ZNF423: variants seen among roughly 807,000 people sequenced by gnomAD.
ZNF423 encodes the protein zinc finger protein 423, also known as Ebf-associated zinc finger protein.
A neutral mutation model predicts 95.8 loss-of-function variants in ZNF423; 12 were observed. The observed-to-expected ratio is 0.13, with a 90% CI of 0.08 to 0.20. ZNF423 has a LOEUF of 0.20. ZNF423 is among the 10% of genes least tolerant of loss of function. The pLI is 1.00. For missense variants in ZNF423, 1,316 were observed against 1,737.1 expected, an observed-to-expected ratio of 0.76 and a Z score of 4.31; for synonymous variants, 749 against 711.9, an observed-to-expected ratio of 1.05 and a Z score of -0.83.
rs1972037123 is a variant in ZNF423, at chr16:49,620,559, A to G, written c.3601+5611T>C. Among the ~76,000 whole-genome samples the G allele has an allele frequency of 4.6e-5, 7 of 152,076 alleles. No homozygotes were observed. In the South Asian group the frequency reaches 1.5e-3, roughly 32 times the overall value. On this transcript the variant is annotated intron_variant, in intron 5 of 7. Transcript: ENST00000563137. ...CCTGGCTCTGGCCTGGCTGCCCGCC[A>G]GAGAGTCCACAGCCACTTTCCAAGG...
At chr16:49,763,218 A>G (rs1263605415) in intron 2 of ZNF423, among the ~76,000 whole-genome samples, 1 of 152,118 alleles carries the variant, frequency 6.6e-6, no homozygotes, top group Non-Finnish European at 1.5e-5. Context: ...ACTGGGTGAC[A>G]GCAGGTATTT....
chr16:49,824,006 G>C (rs2034977549), intron 1 of ZNF423, among the ~76,000 whole-genome samples: 3 of 152,138 alleles, frequency 2.0e-5, no homozygotes, highest in Admixed American at 2.0e-4. Context: ...CTTGAGCCCA[G>C]AAAGTGGAGA....
At chr16:49,845,197 T>C (rs1308776636) in intron 1 of ZNF423, among the ~76,000 whole-genome samples, 1 of 151,906 alleles carries the variant, frequency 6.6e-6, no homozygotes, top group Non-Finnish European at 1.5e-5. Flanking sequence ...TGGAGTGCAG[T>C]GGGTTCCAGC....
At position 49,491,219 on chromosome 16, in the gene ZNF423, TC is replaced by T; in HGVS notation, c.*55del. The T allele has an allele frequency of 6.2e-7, 1 of 1,610,756 alleles. No individual in the cohort carries two copies. The highest frequency in any genetic ancestry group is 8.5e-7 in the Non-Finnish European group (1 of 1,177,148). On this transcript the variant is annotated 3_prime_UTR_variant, in exon 8 of 8. Coordinates refer to ENST00000563137, the MANE Select transcript of ZNF423 (RefSeq NM_001379286.1). The stretch of plus-strand genomic sequence containing the variant: ...ATTGGATGTAATGTTCAAATGGCCC[TC>T]CCCACGGCGTCTCCGGCAAGCCTTC...
chr16:49,715,322 G>T (rs1360450039), intron 3 of ZNF423, among the ~76,000 whole-genome samples: 3 of 152,204 alleles, frequency 2.0e-5, no homozygotes, highest in Non-Finnish European at 4.4e-5. Flanking sequence ...GCGCTGAGGA[G>T]GTGACCTTGG....
At chr16:49,503,823 G>A (rs1167888809) in intron 7 of ZNF423, among the ~76,000 whole-genome samples, 1 of 152,192 alleles carries the variant, frequency 6.6e-6, no homozygotes, top group African/African-American at 2.4e-5. Flanking sequence ...TGAAATGACA[G>A]CCTGCAAGCT....
At chr16:49,741,210 AAAG>A (rs928313236) in intron 2 of ZNF423, among the ~76,000 whole-genome samples, 5 of 150,756 alleles carry the variant, frequency 3.3e-5, no homozygotes, top group African/African-American at 1.2e-4. Flanking sequence ...TTTTTTTTTT[AAAG>A]AAGAAAATCC....
At chr16:49,709,183 T>TATATATATATATATATATATATATATA (rs58833331) in intron 3 of ZNF423, among the ~76,000 whole-genome samples, 3 of 145,318 alleles carry the variant, frequency 2.1e-5, no homozygotes, top group Admixed American at 6.9e-5. Context: ...TATATATATA[T>TATATATATATATATATATATATATATA]GAAAACGGAG....
At chr16:49,806,577 G>A (rs999125446) in intron 1 of ZNF423, among the ~76,000 whole-genome samples, 3 of 152,156 alleles carry the variant, frequency 2.0e-5, no homozygotes, top group Non-Finnish European at 2.9e-5. Flanking sequence ...TTTTAAACAC[G>A]AGCAGAGGAA....
intron 7 of ZNF423, among the ~76,000 whole-genome samples, chr16:49,506,520 G>C (rs1219780607): frequency 1.6e-5 from 2 of 122,104 alleles, no homozygotes; most frequent in Non-Finnish European, 3.4e-5. Context: ...GTGATGGACA[G>C]ATGTATGGAT....
At chr16:49,629,734 C>T (rs1972435358) in intron 4 of ZNF423, among the ~76,000 whole-genome samples, 1 of 152,228 alleles carries the variant, frequency 6.6e-6, no homozygotes, top group Non-Finnish European at 1.5e-5. Context: ...AAGTGCTTAA[C>T]AAGCATTTGC....
chr16:49,530,605 C>G (rs8062146), intron 5 of ZNF423, among the ~76,000 whole-genome samples: 96,052 of 152,014 alleles, frequency 0.63, 31,836 homozygotes, highest in African/African-American at 0.85. Flanking sequence ...ACAGAGTTTG[C>G]GGTAGGGTGG....
chr16:49,517,264 A>C lies in ZNF423; in HGVS notation c.3849+6360T>G, dbSNP rs77842934. Among the ~76,000 whole-genome samples, 805 of 152,330 alleles carry C rather than the reference A, an allele frequency of 5.3e-3. 14 individuals carry two copies. Among genetic ancestry groups the C allele is most frequent in the African/African-American group, 0.019 (781 of 41,578 alleles). On this transcript the variant is annotated intron_variant, in intron 7 of 7. Transcript: ENST00000563137. ...CCCTTCTAGCTTGCGCCAACTGCAGAGAGTGATGCCTGAGCCATGACTATC... is the reference window on the plus strand; with the variant it reads ...CCCTTCTAGCTTGCGCCAACTGCAGCGAGTGATGCCTGAGCCATGACTATC...
chr16:49,648,925 T>C (rs558166629), intron 3 of ZNF423, among the ~76,000 whole-genome samples: 144 of 152,056 alleles, frequency 9.5e-4, no homozygotes, highest in Non-Finnish European at 1.6e-3. Flanking sequence ...AGAGAAGGGA[T>C]TATCCAGGAA....
At chr16:49,689,525 A>C (rs1379687611) in intron 3 of ZNF423, among the ~76,000 whole-genome samples, 1 of 152,180 alleles carries the variant, frequency 6.6e-6, no homozygotes, top group Admixed American at 6.5e-5. Flanking sequence ...TTTCAGAAAC[A>C]TTAAAAGCGT....
chr16:49,534,115 G>C (rs1597065177), intron 5 of ZNF423, among the ~76,000 whole-genome samples: 1 of 152,074 alleles, frequency 6.6e-6, no homozygotes, highest in Non-Finnish European at 1.5e-5. Context: ...GCCAGCCTGG[G>C]TGATGGAGGG....
At chr16:49,588,423 T>C (rs1448942686) in intron 5 of ZNF423, among the ~76,000 whole-genome samples, 1 of 152,212 alleles carries the variant, frequency 6.6e-6, no homozygotes, top group African/African-American at 2.4e-5. Flanking sequence ...CCAGGTCCCA[T>C]GAGGCCCACA....
intron 3 of ZNF423, among the ~76,000 whole-genome samples, chr16:49,707,345 G>T (rs74359242): frequency 6.6e-6 from 1 of 152,194 alleles, no homozygotes; most frequent in Non-Finnish European, 1.5e-5. Context: ...CAGGCATGGT[G>T]GCTCACGCCT....
At chr16:49,824,601 T>C (rs989996498) in intron 1 of ZNF423, among the ~76,000 whole-genome samples, 1 of 152,152 alleles carries the variant, frequency 6.6e-6, no homozygotes. Flanking sequence ...GCAGGAGCAC[T>C]GGGTGGGGAG....
Sources: gnomAD v4.1 joint callset for allele counts (sites outside exome capture counted in the v4.1 genomes callset) on GRCh38, gnomAD v4.1.1 for gene constraint, MANE v1.5 for transcripts, NCBI Gene and HGNC (gene_info 2026-07-23, HGNC 2026-07-21) for gene names.